Variants in CFI observed in about 807,000 individuals in gnomAD.
The protein encoded by CFI is complement factor I.
Under a neutral mutation model 78.8 loss-of-function variants are expected in CFI, and 66 were observed. That is an observed-to-expected ratio of 0.84 (90% CI 0.69 to 1.03). CFI has a LOEUF of 1.03. Ranked by LOEUF, CFI falls within the 50% of genes least tolerant of loss-of-function variation. The pLI is 0.00. For missense variants in CFI, 706 were observed against 704.5 expected (o/e 1.00, Z -0.02); for synonymous variants, 250 against 232.6 (o/e 1.07, Z -0.68).
At chr4:109,757,854 C>G (rs1726522477) in intron 6 of CFI, 71 bp from the exon 7 acceptor site, 1 of 1,287,058 alleles carries the variant, frequency 7.8e-7, no homozygotes, top group Admixed American at 2.2e-5. Context: ...TAGCAATATA[C>G]TATACATATA....
chr4:109,736,029 A>G (rs1387798206), downstream of CFI, among the ~76,000 whole-genome samples: 1 of 152,236 alleles, frequency 6.6e-6, no homozygotes, highest in African/African-American at 2.4e-5. Flanking sequence ...GACCTTCACT[A>G]TGGCGTCCAG....
rs540440847 is a variant in CFI, at chr4:109,762,822, A to C, written c.483-1130T>G. Among the ~76,000 whole-genome samples the C allele has an allele frequency of 3.3e-5, 5 of 152,334 alleles. No homozygotes were observed. The South Asian group carries it at 1.0e-3, about 32-fold the overall frequency. On this transcript the variant is annotated intron_variant, in intron 3 of 12. Transcript: ENST00000394634. ...TAAAATGCCATCTTCTTCCTCAATG[A>C]GTTCTTAAGGAAGTAAGGGAAATCT...
At chr4:109,747,373 A>C (rs28464381) in intron 10 of CFI, among the ~76,000 whole-genome samples, 11 of 152,050 alleles carry the variant, frequency 7.2e-5, no homozygotes, top group Admixed American at 5.2e-4. Context: ...TTTTTTGTAG[A>C]AATGGGGTCT....
chr4:109,764,335 T>C, intron 3 of CFI: 1 of 627,170 alleles, frequency 1.6e-6, no homozygotes, highest in Non-Finnish European at 2.8e-6. Context: ...AACAGACTTA[T>C]TATCCATGCT....
At chr4:109,746,561 T>C in intron 10 of CFI, 59 bp from the exon 11 acceptor site, 1 of 1,328,480 alleles carries the variant, frequency 7.5e-7, no homozygotes, top group South Asian at 1.4e-5. Flanking sequence ...ATAGGAATTC[T>C]GACACTTCAC....
At chr4:109,767,204 T>C (rs536274598) in intron 1 of CFI, among the ~76,000 whole-genome samples, 1 of 152,266 alleles carries the variant, frequency 6.6e-6, no homozygotes, top group Admixed American at 6.5e-5. Flanking sequence ...GCAATACCAT[T>C]CAGGACATAG....
the CFI span, among the ~76,000 whole-genome samples, chr4:109,732,203 CTGAGGAATCAGACG>C: frequency 6.6e-6 from 1 of 152,216 alleles, no homozygotes; most frequent in Non-Finnish European, 1.5e-5. Context: ...AGCCTATACT[CTGAGGAATCAGACG>C]TAGTTTTCTT....
chr4:109,761,441 A>T, intron 4 of CFI, 76 bp downstream of exon 4: 1 of 1,403,888 alleles, frequency 7.1e-7, no homozygotes, highest in East Asian at 2.3e-5. Flanking sequence ...GGCATCAATC[A>T]TTTGTTTACT....
intron 7 of CFI, among the ~76,000 whole-genome samples, chr4:109,756,253 G>A (rs139585941): frequency 1.5e-3 from 228 of 151,562 alleles, no homozygotes; most frequent in African/African-American, 5.2e-3. Flanking sequence ...AGGAGCTGAG[G>A]AGTATCATTA....
intron 1 of CFI, among the ~76,000 whole-genome samples, chr4:109,775,647 G>C (rs947756979): frequency 3.3e-5 from 5 of 152,214 alleles, no homozygotes; most frequent in African/African-American, 1.2e-4. Flanking sequence ...TTTGAAGAGA[G>C]TAGTGGTTCT....
In CFI at chr4:109,761,670, A is replaced by G. The variant is rs1727083145; in HGVS notation, c.505T>C (p.Phe169Leu). 1.2e-6 allele frequency: 2 copies of G among 1,613,014 alleles called. No individual in the cohort carries two copies. The highest frequency in any genetic ancestry group is 2.7e-5 in the African/African-American group (2 of 74,894). The change falls in exon 4 of 13, where the codon TTT becomes CTT. Residue 169 changes from phenylalanine (F) to leucine (L), a missense_variant. By Grantham distance (22) the Phe-to-Leu change is conservative. Transcript: ENST00000394634. ...FQQGADTQRR[F>L]KLSDLSINST... ...TTTATAGAGAGATCAGACAACTTAA[A>G]CCTTCTTTGAGTATCAGCACCTCTG... is the stretch of plus-strand genomic sequence containing the variant.
chr4:109,770,143 C>A (rs1045798921), intron 1 of CFI, among the ~76,000 whole-genome samples: 1 of 152,102 alleles, frequency 6.6e-6, no homozygotes, highest in African/African-American at 2.4e-5. Flanking sequence ...CCCCAAAGAC[C>A]AAACCAAAAT....
At chr4:109,733,455 G>C in the CFI span, among the ~76,000 whole-genome samples, 6 of 152,250 alleles carry the variant, frequency 3.9e-5, no homozygotes, top group Non-Finnish European at 8.8e-5. Context: ...GCTAGAGAGT[G>C]GCTAGCTTGT....
chr4:109,786,795 G>C (rs1251707833), intron 1 of CFI, among the ~76,000 whole-genome samples: 1 of 152,048 alleles, frequency 6.6e-6, no homozygotes, highest in Non-Finnish European at 1.5e-5. Context: ...AAATACATGG[G>C]AAACACAAAT....
chr4:109,780,511 GGATAT>G (rs1203994329), intron 1 of CFI, among the ~76,000 whole-genome samples: 1 of 152,152 alleles, frequency 6.6e-6, no homozygotes, highest in Non-Finnish European at 1.5e-5. Flanking sequence ...GTGCTGGAGA[GGATAT>G]GGAGAAATAG....
the CFI span, among the ~76,000 whole-genome samples, chr4:109,735,530 T>A: frequency 6.6e-6 from 1 of 152,216 alleles, no homozygotes. Flanking sequence ...CAATTTCTAT[T>A]TTTTAGTATT....
chr4:109,773,107 T>C (rs2125829533), intron 1 of CFI, among the ~76,000 whole-genome samples: 1 of 152,284 alleles, frequency 6.6e-6, no homozygotes, highest in East Asian at 1.9e-4. Flanking sequence ...TCCTGTGTCA[T>C]GTGATCATGG....
At chr4:109,765,097 G>A (rs892839996) in intron 2 of CFI, among the ~76,000 whole-genome samples, 1 of 152,152 alleles carries the variant, frequency 6.6e-6, no homozygotes, top group Non-Finnish European at 1.5e-5. Flanking sequence ...ATGTATTCTC[G>A]TGTATTTAAG....
intron 1 of CFI, among the ~76,000 whole-genome samples, chr4:109,767,772 C>A (rs1294105965): frequency 6.6e-6 from 1 of 151,684 alleles, no homozygotes; most frequent in Non-Finnish European, 1.5e-5. Context: ...CCCAGCCATC[C>A]CATTACTGGG....
Sources: gnomAD v4.1 joint callset for allele counts (sites outside exome capture counted in the v4.1 genomes callset) on GRCh38, gnomAD v4.1.1 for gene constraint, MANE v1.5 for transcripts, NCBI Gene and HGNC (gene_info 2026-07-23, HGNC 2026-07-21) for gene names.